Variants in ZFP90 observed in about 807,000 individuals in gnomAD.
ZFP90 encodes the protein zinc finger protein 90 homolog.
Under a neutral mutation model 60.8 loss-of-function variants are expected in ZFP90, and 38 were observed. That is an observed-to-expected ratio of 0.62 (90% CI 0.48 to 0.82). The LOEUF is 0.82. Among genes scored for constraint, ZFP90 ranks in the 40% least tolerant of loss-of-function variants. The pLI, the probability that ZFP90 is intolerant of heterozygous loss-of-function variation, is 0.00. For synonymous variants in ZFP90, 287 were observed against 264.8 expected, an observed-to-expected ratio of 1.08 and a Z score of -0.82; for missense variants, 711 against 759.1, an observed-to-expected ratio of 0.94 and a Z score of 0.74.
chr16:68,562,785 C>T (rs925106662), intron 4 of ZFP90: 57 of 687,034 alleles, frequency 8.3e-5, no homozygotes, highest in African/African-American at 5.4e-4. Context: ...CAGTCCTGCT[C>T]ACTTATTTCC....
At chr16:68,535,041 T>C (rs1160341060), upstream of ZFP90, among the ~76,000 whole-genome samples, 2 of 152,268 alleles carry the variant, frequency 1.3e-5, no homozygotes, top group Non-Finnish European at 2.9e-5. Context: ...TTCCATGTTT[T>C]ATGCATGTGC....
chr16:68,546,773 A>C (rs1236324063), intron 2 of ZFP90, among the ~76,000 whole-genome samples: 7 of 152,154 alleles, frequency 4.6e-5, no homozygotes, highest in Non-Finnish European at 5.9e-5. Flanking sequence ...CAGCCTCCCA[A>C]AGTGCTGGGA....
chr16:68,557,282 A>G (rs1167903677), intron 2 of ZFP90: 1 of 456,014 alleles, frequency 2.2e-6, no homozygotes, highest in Non-Finnish European at 4.4e-6. Context: ...TCAAAGTGTT[A>G]GGATTACAGG....
At chr16:68,573,432 T>C (rs758470035) in intron 2 of ZFP90, among the ~76,000 whole-genome samples, 42 of 152,204 alleles carry the variant, frequency 2.8e-4, no homozygotes, top group Non-Finnish European at 4.7e-4. Context: ...GAGCCATGAT[T>C]ATGCCATTGC....
rs1320104111 is a variant in ZFP90, at chr16:68,558,493, G to A, written c.181G>A (p.Glu61Lys). Residue 61 changes from glutamate to lysine, a missense_variant, in exon 4 of 5, where the codon GAG becomes AAG. Glu to Lys is a moderately conservative substitution (Grantham distance 56). Around this residue, in one of 5 missense-constraint regions of ZFP90, gnomAD observed 241 missense variants for 247.6 expected, o/e 0.97. Coordinates refer to ENST00000563169, the MANE Select transcript of ZFP90 (RefSeq NM_001305203.2). Reference protein sequence around the residue: ...VSLGYQVSKPEVIFKLEQGEE... With the variant: ...VSLGYQVSKPKVIFKLEQGEE... ...AGCAGGATATCAAGTTTCCAAGCCA[G>A]AGGTGATCTTCAAATTGGAGCAAGG... 4 of 1,614,008 alleles carry A rather than the reference G, an allele frequency of 2.5e-6. No homozygotes were observed. The highest frequency in any genetic ancestry group is 3.4e-6 in the Non-Finnish European group (4 of 1,180,000).
chr16:68,570,178 G>A (rs775516991), downstream of ZFP90, among the ~76,000 whole-genome samples: 16 of 151,844 alleles, frequency 1.1e-4, no homozygotes, highest in Admixed American at 2.0e-4. Flanking sequence ...TCTTCCATTC[G>A]CTCTTGTACC....
upstream of ZFP90, chr16:68,535,751 ACTCT>A (rs1013650887): frequency 2.0e-5 from 3 of 151,218 alleles, no homozygotes; most frequent in South Asian, 2.1e-4. Flanking sequence ...TCTGCCTACT[ACTCT>A]CTAAGTTTAT....
chr16:68,539,811 A>G lies in ZFP90; in HGVS notation c.19A>G (p.Thr7Ala), dbSNP rs748425355. Residue 7 changes from threonine (T) to alanine (A), a missense_variant, in exon 2 of 5, where the codon ACC becomes GCC. Thr to Ala is a moderately conservative substitution (Grantham distance 58, BLOSUM62 0). This residue lies in a region of ZFP90 where 27 missense variants were observed against 17.9 expected (regional missense o/e 1.50). Coordinates refer to ENST00000563169, the MANE Select transcript of ZFP90 (RefSeq NM_001305203.2). ...GGCAGGAATGGCCCCGAGGCCTCCG[A>G]CCGCCGCGCCCCAGGTGAGCAACGC... is the stretch of plus-strand genomic sequence containing the variant. MAPRPP[T>A]AAPQESVTFK... 1.2e-6 allele frequency: 2 copies of G among 1,604,698 alleles called. No homozygotes were observed. Among genetic ancestry groups the G allele is most frequent in the Non-Finnish European group, 1.7e-6 (2 of 1,177,316 alleles).
At chr16:68,571,509 C>T (rs1222370067), downstream of ZFP90, among the ~76,000 whole-genome samples, 1 of 152,184 alleles carries the variant, frequency 6.6e-6, no homozygotes, top group Non-Finnish European at 1.5e-5. Flanking sequence ...TCCCACACAA[C>T]CACCTGCTTG....
At chr16:68,559,514 C>T (rs1430774052) in intron 4 of ZFP90, among the ~76,000 whole-genome samples, 1 of 152,022 alleles carries the variant, frequency 6.6e-6, no homozygotes, top group African/African-American at 2.4e-5. Flanking sequence ...GATTTTCTTG[C>T]CTTTTAACTT....
downstream of ZFP90, chr16:68,567,282 G>A: frequency 1.8e-6 from 1 of 555,852 alleles, no homozygotes; most frequent in Non-Finnish European, 2.3e-6. Context: ...AAGACATTGT[G>A]CTAGGTGTTT....
intron 2 of ZFP90, among the ~76,000 whole-genome samples, chr16:68,545,268 A>G (rs915848098): frequency 3.9e-5 from 6 of 152,084 alleles, no homozygotes; most frequent in African/African-American, 1.2e-4. Flanking sequence ...CTTTCAGAGT[A>G]AGGCCATTTG....
At chr16:68,576,463 C>A (rs942466245), downstream of ZFP90, among the ~76,000 whole-genome samples, 1 of 152,178 alleles carries the variant, frequency 6.6e-6, no homozygotes, top group Admixed American at 6.5e-5. Context: ...AAAGCTCCAG[C>A]AGGCCGGGCA....
chr16:68,564,068 C>G lies in ZFP90; in HGVS notation c.1281C>G (p.Tyr427Ter). ...GCAAACCTTACCAAAGCAGTAACTACAGCATAGATTTCAAGCACAGCACAT... is the reference window on the plus strand; with the variant it reads ...GCAAACCTTACCAAAGCAGTAACTAGAGCATAGATTTCAAGCACAGCACAT... ...KRGKPYQSSN[Y>*]SIDFKHSTSL... Residue 427 changes from tyrosine (Y) to a stop codon, truncating the protein, a stop_gained, in exon 5 of 5, where the codon TAC (tyrosine) becomes TAG (stop). Coordinates refer to ENST00000563169, the MANE Select transcript of ZFP90 (RefSeq NM_001305203.2). LOFTEE classifies it high-confidence loss of function. 6.2e-7 allele frequency: 1 copy of G among 1,614,072 alleles called. No homozygotes were observed. Among genetic ancestry groups the G allele is most frequent in the Non-Finnish European group, 8.5e-7 (1 of 1,180,000 alleles).
At chr16:68,546,894 A>G (rs1369699381) in intron 2 of ZFP90, among the ~76,000 whole-genome samples, 1 of 152,254 alleles carries the variant, frequency 6.6e-6, no homozygotes, top group Non-Finnish European at 1.5e-5. Flanking sequence ...CGTAGCATAT[A>G]TCAGAACTTT....
At chr16:68,534,225 C>CTTT (rs71380455) in intron 2 of ZFP90, among the ~76,000 whole-genome samples, 2 of 143,100 alleles carry the variant, frequency 1.4e-5, no homozygotes, top group East Asian at 2.0e-4. Flanking sequence ...TAAAGATTTT[C>CTTT]TTTCTTTCTT....
chr16:68,560,573 T>A (rs893451576), intron 4 of ZFP90, among the ~76,000 whole-genome samples: 4 of 135,194 alleles, frequency 3.0e-5, no homozygotes, highest in South Asian at 2.5e-4. Flanking sequence ...TTATTTATTT[T>A]GAGACAGAAT....
intron 2 of ZFP90, among the ~76,000 whole-genome samples, chr16:68,551,934 A>T (rs910985275): frequency 3.3e-5 from 5 of 150,144 alleles, no homozygotes; most frequent in East Asian, 2.0e-4. Context: ...AATTTTTTTT[A>T]AATTTTTATT....
chr16:68,552,150 T>C (rs2152065728), intron 2 of ZFP90, among the ~76,000 whole-genome samples: 1 of 152,302 alleles, frequency 6.6e-6, no homozygotes, highest in Non-Finnish European at 1.5e-5. Flanking sequence ...TACTGGATCA[T>C]TTATTAGGGT....
Sources: gnomAD v4.1 joint callset for allele counts (sites outside exome capture counted in the v4.1 genomes callset) on GRCh38, gnomAD v4.1.1 for gene constraint, gnomAD v4.1.1 regional missense constraint, MANE v1.5 for transcripts, NCBI Gene and HGNC (gene_info 2026-07-23, HGNC 2026-07-21) for gene names.